Variants in TXK observed in about 807,000 individuals in gnomAD.
The protein encoded by TXK is TXK tyrosine kinase.
TXK carries 60 observed loss-of-function variants against 81.0 expected under a neutral mutation model. That is an observed-to-expected ratio of 0.74 (90% CI 0.60 to 0.92). The LOEUF is 0.92. Ranked by LOEUF, TXK falls within the 40% of genes least tolerant of loss-of-function variation. The pLI is 0.00. For synonymous variants in TXK, 203 were observed against 210.7 expected (o/e 0.96, Z 0.32); for missense variants, 581 against 638.3 (o/e 0.91, Z 0.97).
intron 8 of TXK, among the ~76,000 whole-genome samples, chr4:48,092,172 C>T (rs1295860981): frequency 3.3e-5 from 5 of 152,070 alleles, no homozygotes; most frequent in African/African-American, 7.2e-5. Context: ...AAGTTCAGGG[C>T]CTGCGGGATT....
chr4:48,086,428 C>T (rs750418181), intron 10 of TXK, 38 bp downstream of exon 10: 28 of 1,603,538 alleles, frequency 1.7e-5, no homozygotes, highest in South Asian at 2.2e-5. Flanking sequence ...GACACCAGGG[C>T]ATGGTATGAT....
chr4:48,085,340 G>A (rs1717478948), intron 10 of TXK, among the ~76,000 whole-genome samples: 1 of 152,006 alleles, frequency 6.6e-6, no homozygotes. Context: ...ACCGGAGGAT[G>A]CCCTTTCAAG....
intron 1 of TXK, among the ~76,000 whole-genome samples, chr4:48,120,247 A>ATG (rs1469249326): frequency 2.7e-5 from 4 of 147,730 alleles, no homozygotes; most frequent in African/African-American, 4.9e-5. Flanking sequence ...ATATACGTAT[A>ATG]TGTGTATATA....
chr4:48,094,736 G>A (rs1717914963), intron 7 of TXK, among the ~76,000 whole-genome samples: 1 of 152,122 alleles, frequency 6.6e-6, no homozygotes, highest in Admixed American at 6.5e-5. Flanking sequence ...CATTGCTCCT[G>A]GGATGTTACC....
chr4:48,115,730 C>T lies in TXK; in HGVS notation c.17-1328G>A, dbSNP rs1476221816. ...ATTAGCCAGGCATGGTGGTGCATGC[C>T]TGTAGTCTTCAATACTCAGGAGGCT... On this transcript the variant is annotated intron_variant, in intron 1 of 14. Transcript: ENST00000264316. Among the ~76,000 whole-genome samples, 4 of 151,950 alleles carry T rather than the reference C, an allele frequency of 2.6e-5. No individual in the cohort carries two copies. In the East Asian group the frequency reaches 5.8e-4, roughly 22 times the overall value.
intron 8 of TXK, 110 bp downstream of exon 8, chr4:48,093,966 TA>T: frequency 7.2e-7 from 1 of 1,396,322 alleles, no homozygotes; most frequent in Admixed American, 1.9e-5. Flanking sequence ...TTCAAGCTTT[TA>T]AACTATTTCT....
At chr4:48,129,405 C>T (rs1247933353) in intron 1 of TXK, among the ~76,000 whole-genome samples, 1 of 152,100 alleles carries the variant, frequency 6.6e-6, no homozygotes, top group Non-Finnish European at 1.5e-5. Flanking sequence ...TTAGGGGAGT[C>T]ACTGGTGACT....
chr4:48,096,981 CA>C (rs1212037564), intron 6 of TXK, among the ~76,000 whole-genome samples: 1 of 151,970 alleles, frequency 6.6e-6, no homozygotes, highest in Non-Finnish European at 1.5e-5. Flanking sequence ...CTTATATCAA[CA>C]AGCAATAGCA....
chr4:48,070,385 T>C (rs1716788235), intron 14 of TXK, among the ~76,000 whole-genome samples: 1 of 152,164 alleles, frequency 6.6e-6, no homozygotes, highest in South Asian at 2.1e-4. Context: ...CCTATTCTAG[T>C]TTAATCTGTA....
intron 9 of TXK, 189 bp downstream of exon 9, chr4:48,089,561 T>A (rs563174273): frequency 2.4e-4 from 99 of 418,184 alleles, no homozygotes; most frequent in Non-Finnish European, 3.7e-4. Context: ...CGGCTAATTT[T>A]TTGTATTTTT....
intron 1 of TXK, among the ~76,000 whole-genome samples, chr4:48,123,311 T>G (rs1242730771): frequency 6.6e-6 from 1 of 152,228 alleles, no homozygotes; most frequent in East Asian, 1.9e-4. Context: ...AAAGGATTTT[T>G]ATTTCCCCAA....
intron 4 of TXK, among the ~76,000 whole-genome samples, chr4:48,111,070 G>A (rs73136280): frequency 0.024 from 3,622 of 152,272 alleles, 152 homozygotes; most frequent in African/African-American, 0.084. Flanking sequence ...AAGACAGATA[G>A]CAAAGACGGG....
chr4:48,086,661 T>C, intron 9 of TXK, 24 bp from the exon 10 acceptor site: 2 of 1,606,628 alleles, frequency 1.2e-6, no homozygotes, highest in Non-Finnish European at 1.7e-6. Context: ...ACATCCATGT[T>C]ACAAGTAGAA....
intron 8 of TXK, among the ~76,000 whole-genome samples, chr4:48,091,069 T>C (rs982797449): frequency 1.1e-4 from 17 of 152,218 alleles, no homozygotes; most frequent in African/African-American, 3.1e-4. Flanking sequence ...GGGAGCTCTA[T>C]CTCAGTGAGA....
chr4:48,076,660 G>A (rs1194631570), intron 11 of TXK, among the ~76,000 whole-genome samples, 194 bp from the exon 12 acceptor site: 1 of 151,950 alleles, frequency 6.6e-6, no homozygotes, highest in Non-Finnish European at 1.5e-5. Flanking sequence ...ACAGGATCTG[G>A]CTCTGTTGCC....
intron 1 of TXK, among the ~76,000 whole-genome samples, chr4:48,131,027 C>T (rs1292353652): frequency 6.6e-6 from 1 of 152,108 alleles, no homozygotes; most frequent in Non-Finnish European, 1.5e-5. Context: ...TCTTTAAGCC[C>T]CCAGCTGCTT....
At chr4:48,092,745 G>T (rs764368662) in intron 8 of TXK, among the ~76,000 whole-genome samples, 3 of 152,216 alleles carry the variant, frequency 2.0e-5, no homozygotes, top group Non-Finnish European at 1.5e-5. Context: ...TGGATGGCAG[G>T]TAAGGGCAAG....
intron 10 of TXK, among the ~76,000 whole-genome samples, chr4:48,086,104 T>C (rs1717517931): frequency 6.6e-6 from 1 of 152,166 alleles, no homozygotes; most frequent in East Asian, 1.9e-4. Flanking sequence ...ATGCTCCTCC[T>C]CCCGTAAGGG....
At chr4:48,114,533 G>T in intron 1 of TXK, 131 bp from the exon 2 acceptor site, 1 of 911,298 alleles carries the variant, frequency 1.1e-6, no homozygotes, top group Non-Finnish European at 1.7e-6. Flanking sequence ...CTTCACTAGT[G>T]GAAGACAAAT....
Sources: gnomAD v4.1 joint callset for allele counts (sites outside exome capture counted in the v4.1 genomes callset) on GRCh38, gnomAD v4.1.1 for gene constraint, MANE v1.5 for transcripts, NCBI Gene and HGNC (gene_info 2026-07-23, HGNC 2026-07-21) for gene names.